Variants in CLSTN2 observed in about 807,000 individuals in gnomAD.
CLSTN2 encodes calsyntenin 2, also known as calsyntenin-2.
Under a neutral mutation model 101.2 loss-of-function variants are expected in CLSTN2, and 48 were observed. The ratio of observed to expected loss-of-function variants is 0.47; its 90% CI spans 0.38 to 0.60. The LOEUF is 0.60. CLSTN2 is among the 20% of genes least tolerant of loss of function. CLSTN2 has a pLI of 0.00. For synonymous variants in CLSTN2, 481 were observed against 463.6 expected (o/e 1.04, Z -0.48); for missense variants, 1,160 against 1,238.2 (o/e 0.94, Z 0.95).
At chr3:140,162,654 T>A (rs2010067216) in intron 1 of CLSTN2, among the ~76,000 whole-genome samples, 1 of 152,210 alleles carries the variant, frequency 6.6e-6, no homozygotes, top group South Asian at 2.1e-4. Flanking sequence ...TTGCTTGTCT[T>A]CTACCTCTTA....
intron 1 of CLSTN2, among the ~76,000 whole-genome samples, chr3:140,145,805 A>C (rs757009278): frequency 6.6e-6 from 1 of 152,234 alleles, no homozygotes; most frequent in Non-Finnish European, 1.5e-5. Context: ...TGGGTTCAAA[A>C]AATATTCTTG....
At chr3:140,509,701 G>C (rs1934770656) in intron 8 of CLSTN2, among the ~76,000 whole-genome samples, 1 of 152,152 alleles carries the variant, frequency 6.6e-6, no homozygotes, top group African/African-American at 2.4e-5. Context: ...GGCTCCTGCA[G>C]GAGACAGCAC....
At chr3:140,453,711 T>C (rs930154121) in intron 6 of CLSTN2, among the ~76,000 whole-genome samples, 9 of 152,242 alleles carry the variant, frequency 5.9e-5, no homozygotes, top group Admixed American at 5.2e-4. Context: ...ATCTAAATAT[T>C]GCATTGTATC....
intron 8 of CLSTN2, among the ~76,000 whole-genome samples, chr3:140,500,855 G>T (rs1203515951): frequency 6.6e-6 from 1 of 152,156 alleles, no homozygotes; most frequent in East Asian, 1.9e-4. Context: ...GATTAGTGCT[G>T]TTGCCATTAA....
chr3:140,006,770 A>C (rs989161279), intron 1 of CLSTN2, among the ~76,000 whole-genome samples: 1 of 152,118 alleles, frequency 6.6e-6, no homozygotes, highest in Non-Finnish European at 1.5e-5. Flanking sequence ...GTTATATATA[A>C]GTGTTTTTAT....
chr3:139,974,240 C>T (rs1417685875), intron 1 of CLSTN2, among the ~76,000 whole-genome samples: 1 of 152,150 alleles, frequency 6.6e-6, no homozygotes, highest in African/African-American at 2.4e-5. Flanking sequence ...GGCTTTGGGG[C>T]CTCAAAATGA....
intron 5 of CLSTN2, among the ~76,000 whole-genome samples, chr3:140,426,622 C>T (rs974640330): frequency 6.6e-6 from 1 of 152,124 alleles, no homozygotes; most frequent in Non-Finnish European, 1.5e-5. Context: ...CAAAAGCTAT[C>T]TTTGAAGTCT....
rs143222136 is a variant in CLSTN2, at chr3:140,034,278, AG to A, written c.109+98796del. ...ATGGAAAAGAGCAAATGATTTTCAG[AG>A]AGGGAGTCTATGGTAGTGGAGGAGG... On this transcript the variant is annotated intron_variant, in intron 1 of 16. Coordinates refer to ENST00000458420, the MANE Select transcript of CLSTN2 (RefSeq NM_022131.3). Among the ~76,000 whole-genome samples the A allele has an allele frequency of 1.5e-3, 230 of 152,328 alleles. 2 individuals are homozygous for A. Among genetic ancestry groups the A allele is most frequent in the African/African-American group, 5.2e-3 (215 of 41,566 alleles).
At chr3:140,025,747 G>GT (rs1288932957) in intron 1 of CLSTN2, among the ~76,000 whole-genome samples, 1 of 152,196 alleles carries the variant, frequency 6.6e-6, no homozygotes, top group Non-Finnish European at 1.5e-5. Context: ...AGTGATATCT[G>GT]TTTTGCTGAG....
chr3:140,303,873 G>A (rs1239494047), intron 2 of CLSTN2, among the ~76,000 whole-genome samples: 1 of 151,750 alleles, frequency 6.6e-6, no homozygotes, highest in Non-Finnish European at 1.5e-5. Flanking sequence ...AACATTCACT[G>A]GGAGGGCCTG....
intron 2 of CLSTN2, among the ~76,000 whole-genome samples, chr3:140,284,924 T>A (rs2086882144): frequency 6.6e-6 from 1 of 151,940 alleles, no homozygotes; most frequent in Non-Finnish European, 1.5e-5. Context: ...AACCCCCACC[T>A]CTCACCCCTA....
chr3:140,351,457 A>C (rs910766522), intron 2 of CLSTN2, among the ~76,000 whole-genome samples: 2 of 152,228 alleles, frequency 1.3e-5, no homozygotes, highest in African/African-American at 4.8e-5. Flanking sequence ...ACCTTTAAAG[A>C]GTACAAAATA....
At chr3:140,167,175 A>G (rs2010147902) in intron 1 of CLSTN2, among the ~76,000 whole-genome samples, 1 of 152,236 alleles carries the variant, frequency 6.6e-6, no homozygotes, top group African/African-American at 2.4e-5. Flanking sequence ...AGCACTGGGT[A>G]ATGTGAATGC....
intron 2 of CLSTN2, among the ~76,000 whole-genome samples, chr3:140,299,604 C>T (rs2087038202): frequency 6.6e-6 from 1 of 152,158 alleles, no homozygotes; most frequent in Non-Finnish European, 1.5e-5. Flanking sequence ...CCTTAATTGT[C>T]TTCTCCTACT....
intron 2 of CLSTN2, among the ~76,000 whole-genome samples, chr3:140,396,326 G>A (rs2088181785): frequency 6.6e-6 from 1 of 152,140 alleles, no homozygotes; most frequent in East Asian, 1.9e-4. Context: ...GGTGCTTCAA[G>A]GAGTCAGATT....
intron 1 of CLSTN2, among the ~76,000 whole-genome samples, chr3:140,041,808 G>T (rs2007766168): frequency 6.6e-6 from 1 of 152,124 alleles, no homozygotes; most frequent in Non-Finnish European, 1.5e-5. Context: ...GAAGGAAATT[G>T]TCTGTCTGGG....
intron 1 of CLSTN2, among the ~76,000 whole-genome samples, chr3:140,149,378 A>G (rs2009827916): frequency 6.6e-6 from 1 of 152,208 alleles, no homozygotes. Context: ...TTGTAGATAG[A>G]GATGGAAGCC....
At chr3:140,427,236 T>TAA (rs1284944613) in intron 5 of CLSTN2, among the ~76,000 whole-genome samples, 1 of 119,784 alleles carries the variant, frequency 8.3e-6, no homozygotes, top group East Asian at 2.6e-4. Context: ...TGTGTATATA[T>TAA]ATATATATAC....
At chr3:140,209,379 C>T (rs1164833058) in intron 2 of CLSTN2, among the ~76,000 whole-genome samples, 7 of 152,274 alleles carry the variant, frequency 4.6e-5, no homozygotes, top group Non-Finnish European at 4.4e-5. Flanking sequence ...TTTCTTTCAG[C>T]TGTGTAGCTT....
Sources: allele counts gnomAD v4.1 joint callset (sites outside exome capture counted in the v4.1 genomes callset), GRCh38; gene constraint gnomAD v4.1.1; transcripts MANE v1.5; gene names NCBI Gene and HGNC (gene_info 2026-07-23, HGNC 2026-07-21).